The following ZKSCAN7 variants were observed in gnomAD, a reference collection of about 807,000 sequenced individuals.
The protein encoded by ZKSCAN7 is zinc finger with KRAB and SCAN domains 7, also known as zinc finger protein with KRAB and SCAN domains 7.
ZKSCAN7 carries 38 observed loss-of-function variants against 65.3 expected under a neutral mutation model. The observed-to-expected ratio is 0.58, with a 90% CI of 0.45 to 0.76. The LOEUF (loss-of-function observed/expected upper bound fraction) is 0.76. Among genes scored for constraint, ZKSCAN7 ranks in the 30% least tolerant of loss-of-function variants. The probability of loss-of-function intolerance (pLI) is 0.00; values close to 1 mark genes in which losing one functional copy is unlikely to be tolerated. For synonymous variants in ZKSCAN7, 321 were observed against 321.0 expected (o/e 1.00, Z 0.00); for missense variants, 815 against 913.3 (o/e 0.89, Z 1.39).
chr3:44,581,732 T>TG (rs1700090842), intron 5 of ZKSCAN7, among the ~76,000 whole-genome samples: 1 of 152,210 alleles, frequency 6.6e-6, no homozygotes, highest in Non-Finnish European at 1.5e-5. Context: ...GTGAAGGTGC[T>TG]GGGAGTGGTA....
rs557625669 is a variant in ZKSCAN7, at chr3:44,557,198, G to A, written c.151G>A (p.Glu51Lys). The change falls in exon 2 of 6, where the codon GAA becomes AAA. Residue 51 changes from glutamate to lysine, a missense_variant. Glu to Lys is a moderately conservative substitution (Grantham distance 56). This residue lies in a region of ZKSCAN7 where 227 missense variants were observed against 253.3 expected (regional missense o/e 0.90). Coordinates refer to ENST00000426540, the MANE Select transcript of ZKSCAN7 (RefSeq NM_001288590.2). Reference sequence around the variant, plus strand: ...CCAGAAGAACTATCCTCCTGTCTGCGAAATCTTCCGGCTACACTTCAGGCA... The same window carrying A: ...CCAGAAGAACTATCCTCCTGTCTGCAAAATCTTCCGGCTACACTTCAGGCA... ...SLQKNYPPVC[E>K]IFRLHFRQLC... is the part of the protein sequence containing the mutation. 2.5e-6 allele frequency: 4 copies of A among 1,614,276 alleles called. No individual in the cohort carries two copies. Among genetic ancestry groups the A allele is most frequent in the East Asian group, 2.2e-5 (1 of 44,894 alleles).
chr3:44,579,088 C>T (rs1699994907), intron 5 of ZKSCAN7, among the ~76,000 whole-genome samples: 2 of 152,228 alleles, frequency 1.3e-5, no homozygotes, highest in Non-Finnish European at 2.9e-5. Context: ...GCTTCTCTTC[C>T]CGGAGAGGCG....
intron 2 of ZKSCAN7, among the ~76,000 whole-genome samples, chr3:44,558,201 A>C (rs1699356616): frequency 6.6e-6 from 1 of 151,650 alleles, no homozygotes; most frequent in Non-Finnish European, 1.5e-5. Flanking sequence ...GTGTGTGGGC[A>C]TGGGCACACA....
At chr3:44,572,636 T>C (rs541804929), downstream of ZKSCAN7, among the ~76,000 whole-genome samples, 1 of 151,512 alleles carries the variant, frequency 6.6e-6, no homozygotes, top group South Asian at 2.1e-4. Flanking sequence ...GATCACGAGG[T>C]CAGGAGGTGG....
chr3:44,578,053 G>T (rs1312057505), intron 5 of ZKSCAN7, among the ~76,000 whole-genome samples: 1 of 152,140 alleles, frequency 6.6e-6, no homozygotes, highest in Non-Finnish European at 1.5e-5. Flanking sequence ...AAGAAGTCAG[G>T]GTTGCTTTTA....
At chr3:44,565,034 C>G (rs992547096) in intron 2 of ZKSCAN7, among the ~76,000 whole-genome samples, 2 of 152,152 alleles carry the variant, frequency 1.3e-5, no homozygotes, top group African/African-American at 4.8e-5. Flanking sequence ...AACTCCTGAC[C>G]TCAGGTGATC....
downstream of ZKSCAN7, among the ~76,000 whole-genome samples, chr3:44,572,433 T>C (rs934493030): frequency 1.1e-4 from 16 of 151,944 alleles, no homozygotes; most frequent in Admixed American, 5.9e-4. Context: ...TGTATGTGTG[T>C]GAATGTGTGT....
intron 4 of ZKSCAN7, 118 bp downstream of exon 4, chr3:44,568,121 C>T: frequency 6.5e-7 from 1 of 1,539,716 alleles, no homozygotes; most frequent in Non-Finnish European, 8.8e-7. Flanking sequence ...TCTCCTGCCT[C>T]ATTACTTCCC....
intron 3 of ZKSCAN7, 84 bp downstream of exon 3, chr3:44,565,739 A>C (rs923279523): frequency 7.6e-7 from 1 of 1,321,218 alleles, no homozygotes; most frequent in Non-Finnish European, 1.0e-6. Context: ...CCCATCTCCT[A>C]CTCCATGGAA....
At chr3:44,572,374 G>A (rs972262140), downstream of ZKSCAN7, among the ~76,000 whole-genome samples, 1 of 150,742 alleles carries the variant, frequency 6.6e-6, no homozygotes, top group Non-Finnish European at 1.5e-5. Flanking sequence ...GTGTGTGTGT[G>A]TGTGTGTGTG....
chr3:44,577,293 GT>G (rs901967393), intron 5 of ZKSCAN7, among the ~76,000 whole-genome samples: 42 of 137,194 alleles, frequency 3.1e-4, no homozygotes, highest in South Asian at 1.6e-3. Flanking sequence ...TTTTTTTTTT[GT>G]TTTTTTTTAG....
chr3:44,566,518 G>A (rs75627823), intron 3 of ZKSCAN7, among the ~76,000 whole-genome samples: 125 of 152,258 alleles, frequency 8.2e-4, no homozygotes, highest in African/African-American at 3.0e-3. Flanking sequence ...TGGGACTTGA[G>A]TTTGAAAGGG....
chr3:44,566,520 T>G (rs146432268), intron 3 of ZKSCAN7, among the ~76,000 whole-genome samples: 64 of 152,172 alleles, frequency 4.2e-4, no homozygotes, highest in African/African-American at 1.5e-3. Flanking sequence ...GGACTTGAGT[T>G]TGAAAGGGGA....
chr3:44,571,314 A>G lies in ZKSCAN7; in HGVS notation c.2204A>G (p.Asn735Ser). The change falls in exon 6 of 6, where the codon AAT becomes AGT. Residue 735 changes from asparagine (N) to serine (S), a missense_variant. Asn to Ser is a conservative substitution (Grantham distance 46, BLOSUM62 1). Coordinates refer to ENST00000426540, the MANE Select transcript of ZKSCAN7 (RefSeq NM_001288590.2). Reference protein sequence around the residue: ...GKAFSQRSTFNHHQRTHTGEK... With the variant: ...GKAFSQRSTFSHHQRTHTGEK... ...GCCTTTAGTCAGCGTTCCACTTTTA[A>G]TCACCACCAGCGAACTCACACTGGA... The G allele has an allele frequency of 6.2e-7, 1 of 1,614,212 alleles. No individual in the cohort carries two copies. The highest frequency in any genetic ancestry group is 8.5e-7 in the Non-Finnish European group (1 of 1,180,038).
chr3:44,578,220 C>G, intron 5 of ZKSCAN7: 1 of 1,529,790 alleles, frequency 6.5e-7, no homozygotes, highest in Non-Finnish European at 9.1e-7. Context: ...TTTGTGGTGT[C>G]ACTTGCGTAC....
downstream of ZKSCAN7, among the ~76,000 whole-genome samples, chr3:44,573,361 T>C (rs1264462701): frequency 5.3e-5 from 8 of 152,158 alleles, no homozygotes; most frequent in Admixed American, 1.3e-4. Flanking sequence ...TTATATAATC[T>C]GGAGGGGAGA....
At position 44,571,594 on chromosome 3, in the gene ZKSCAN7, C is replaced by T; in HGVS notation, c.*219C>T. 2.3e-6 allele frequency: 3 copies of T among 1,329,268 alleles called. No individual in the cohort carries two copies. Among genetic ancestry groups the T allele is most frequent in the East Asian group, 2.8e-5 (1 of 35,374 alleles). 82.3% of individuals were successfully genotyped at this position (1,329,268 alleles called of 1,614,324 possible). On this transcript the variant is annotated 3_prime_UTR_variant, in exon 6 of 6. Coordinates refer to ENST00000426540, the MANE Select transcript of ZKSCAN7 (RefSeq NM_001288590.2). ...CACATGTCATTGAATTGTAGGTTTC[C>T]TTTTTTTTTCTTTACTTTTAAATTT...
chr3:44,571,074 G>T lies in ZKSCAN7; in HGVS notation c.1964G>T (p.Arg655Ile). 1.2e-6 allele frequency: 2 copies of T among 1,614,178 alleles called. No individual in the cohort carries two copies. The highest frequency in any genetic ancestry group is 2.2e-5 in the South Asian group (2 of 91,086). The part of the protein sequence containing the change: ...NQNSHLIIHQ[R>I]IHTGEKPYEC... ...AACTCACACCTTATTATACACCAGAGAATTCACACTGGTGAGAAACCCTAT... is the reference window on the plus strand; with the variant it reads ...AACTCACACCTTATTATACACCAGATAATTCACACTGGTGAGAAACCCTAT... Residue 655 changes from arginine to isoleucine, a missense_variant, in exon 6 of 6, where the codon AGA becomes ATA. Transcript: ENST00000426540.
chr3:44,577,349 C>T (rs1300239919), intron 5 of ZKSCAN7, among the ~76,000 whole-genome samples: 3 of 151,592 alleles, frequency 2.0e-5, no homozygotes, highest in South Asian at 2.1e-4. Context: ...AGGTTTGCCA[C>T]GATTCTCAGG....
Sources: gnomAD v4.1 joint callset for allele counts (sites outside exome capture counted in the v4.1 genomes callset) on GRCh38, gnomAD v4.1.1 for gene constraint, gnomAD v4.1.1 regional missense constraint, MANE v1.5 for transcripts, NCBI Gene and HGNC (gene_info 2026-07-23, HGNC 2026-07-21) for gene names.